PLEKHG1: variants seen among roughly 807,000 people sequenced by gnomAD.
PLEKHG1 encodes the protein pleckstrin homology domain-containing family G member 1.
A neutral mutation model predicts 100.8 loss-of-function variants in PLEKHG1; 44 were observed. The ratio of observed to expected loss-of-function variants is 0.44; its 90% CI spans 0.34 to 0.56. The LOEUF is 0.56. PLEKHG1 is among the 20% of genes least tolerant of loss of function. The probability of loss-of-function intolerance (pLI) is 0.01; values close to 1 mark genes in which losing one functional copy is unlikely to be tolerated. For missense variants in PLEKHG1, 1,545 were observed against 1,720.9 expected, an observed-to-expected ratio of 0.90 and a Z score of 1.81; for synonymous variants, 640 against 662.5, an observed-to-expected ratio of 0.97 and a Z score of 0.52.
chr6:150,605,376 C>A (rs1033846470), intron 1 of PLEKHG1: 4 of 152,222 alleles, frequency 2.6e-5, no homozygotes, highest in African/African-American at 7.2e-5. Context: ...TCCCACTTAC[C>A]TGCTGCAAGT....
intron 10 of PLEKHG1, among the ~76,000 whole-genome samples, chr6:150,814,741 C>A (rs1345593242): frequency 6.6e-6 from 1 of 152,200 alleles, no homozygotes; most frequent in Admixed American, 6.5e-5. Flanking sequence ...CAGCGTCTCA[C>A]TCTGTCACCC....
At chr6:150,651,232 T>C (rs987314565) in intron 3 of PLEKHG1, 3 of 152,252 alleles carry the variant, frequency 2.0e-5, no homozygotes, top group South Asian at 4.1e-4. Flanking sequence ...GAGGAGCTAC[T>C]GTAGTCAGTT....
chr6:150,706,001 C>T (rs1019274883), intron 3 of PLEKHG1, among the ~76,000 whole-genome samples: 5 of 152,012 alleles, frequency 3.3e-5, no homozygotes, highest in African/African-American at 9.7e-5. Context: ...TTTCCTTGCC[C>T]GTAAATCCAG....
intron 2 of PLEKHG1, among the ~76,000 whole-genome samples, chr6:150,649,678 A>G (rs1457146928): frequency 1.3e-5 from 2 of 151,528 alleles, no homozygotes; most frequent in African/African-American, 4.9e-5. Flanking sequence ...GGAGTTCGAG[A>G]CCAGCCTGGC....
intron 2 of PLEKHG1, among the ~76,000 whole-genome samples, chr6:150,749,360 C>A (rs1403812277): frequency 6.6e-6 from 1 of 152,180 alleles, no homozygotes; most frequent in Non-Finnish European, 1.5e-5. Flanking sequence ...ACTTCATCTA[C>A]GACCAGCTGC....
intron 7 of PLEKHG1, 122 bp from the exon 9 acceptor site, chr6:150,808,983 A>T: frequency 1.4e-6 from 1 of 701,984 alleles, no homozygotes; most frequent in Non-Finnish European, 2.4e-6. Context: ...GATACCACGT[A>T]GATAGTTAGA....
At chr6:150,838,511 A>G (rs968623905) in intron 15 of PLEKHG1, among the ~76,000 whole-genome samples, 1 of 152,184 alleles carries the variant, frequency 6.6e-6, no homozygotes, top group Non-Finnish European at 1.5e-5. Flanking sequence ...AAGCCAAAAG[A>G]TTGGACACCC....
At chr6:150,766,918 C>A (rs1784480484) in intron 2 of PLEKHG1, among the ~76,000 whole-genome samples, 1 of 152,150 alleles carries the variant, frequency 6.6e-6, no homozygotes, top group Non-Finnish European at 1.5e-5. Flanking sequence ...ACCCTCCACC[C>A]CTGCCCCGCC....
At chr6:150,755,899 T>A (rs1783810661) in intron 2 of PLEKHG1, among the ~76,000 whole-genome samples, 1 of 152,186 alleles carries the variant, frequency 6.6e-6, no homozygotes, top group Admixed American at 6.5e-5. Context: ...ATTTTTAATT[T>A]AAAAAAATTT....
intron 12 of PLEKHG1, 114 bp downstream of exon 13, chr6:150,819,888 T>C (rs1776201049): frequency 1.4e-6 from 1 of 707,370 alleles, no homozygotes; most frequent in African/African-American, 1.8e-5. Context: ...ACTGCCGGTC[T>C]GAATACATTT....
At chr6:150,634,796 G>A (rs148166163) in intron 1 of PLEKHG1, among the ~76,000 whole-genome samples, 1 of 152,144 alleles carries the variant, frequency 6.6e-6, no homozygotes, top group Admixed American at 6.5e-5. Context: ...TTGGAGATAC[G>A]TCATCATTTT....
intron 3 of PLEKHG1, among the ~76,000 whole-genome samples, chr6:150,666,958 C>T (rs1329909557): frequency 6.6e-6 from 1 of 152,108 alleles, no homozygotes; most frequent in Non-Finnish European, 1.5e-5. Flanking sequence ...TGGAGTTTCA[C>T]CGCGTTAGCC....
chr6:150,801,045 G>A (rs1422315220), intron 6 of PLEKHG1, among the ~76,000 whole-genome samples, 176 bp downstream of exon 7: 1 of 152,196 alleles, frequency 6.6e-6, no homozygotes, highest in South Asian at 2.1e-4. Context: ...TTCTAGGCCC[G>A]TAGCCCCATT....
chr6:150,780,398 G>A (rs550999022), intron 3 of PLEKHG1, among the ~76,000 whole-genome samples: 1 of 152,190 alleles, frequency 6.6e-6, no homozygotes, highest in East Asian at 1.9e-4. Context: ...ACAGGCGTGA[G>A]CCACTGCACC....
At chr6:150,811,119 A>G (rs1583177905) in intron 10 of PLEKHG1, among the ~76,000 whole-genome samples, 3 of 152,180 alleles carry the variant, frequency 2.0e-5, no homozygotes, top group Admixed American at 6.5e-5. Flanking sequence ...GAATCTGTAG[A>G]TGGGGAGCCA....
Position 150,683,715 on chromosome 6 carries a change from C to G in PLEKHG1, c.-99+32929C>G. The G allele has an allele frequency of 2.8e-6, 3 of 1,079,034 alleles. No individual in the cohort carries two copies. Among genetic ancestry groups the G allele is most frequent in the East Asian group, 1.2e-4 (2 of 16,740 alleles). The allele number at this position is 1,079,034 out of a possible 1,614,324, so 66.8% of individuals were successfully genotyped here. ...TCAACTTGAACCCTGAGTTGACACA[C>G]GGACCCCTCTGCGCTAGTATCCAGG... On this transcript the variant is annotated intron_variant, in intron 3 of 3. Coordinates refer to the PLEKHG1 transcript ENST00000367326. This position sits in a 1 kb window ranked among gnomAD's most constrained non-coding sequence, Gnocchi z 4.0.
At chr6:150,795,206 T>C (rs1238146350) in intron 4 of PLEKHG1, among the ~76,000 whole-genome samples, 1 of 151,478 alleles carries the variant, frequency 6.6e-6, no homozygotes, top group African/African-American at 2.4e-5. Flanking sequence ...CTGGCCAACA[T>C]AGCAAAACCC....
intron 1 of PLEKHG1, among the ~76,000 whole-genome samples, chr6:150,608,483 A>G (rs1472026166): frequency 6.6e-6 from 1 of 152,264 alleles, no homozygotes; most frequent in Non-Finnish European, 1.5e-5. Flanking sequence ...ACATTTCTGT[A>G]CTGGCTAAAG....
intron 3 of PLEKHG1, chr6:150,663,294 G>T (rs939920151): frequency 6.6e-6 from 1 of 152,130 alleles, no homozygotes; most frequent in Admixed American, 6.5e-5. Context: ...AGCCTTAAAG[G>T]CAAGTTATTT....
Sources: allele counts gnomAD v4.1 joint callset (sites outside exome capture counted in the v4.1 genomes callset), GRCh38; gene constraint gnomAD v4.1.1; non-coding constraint Gnocchi (gnomAD v3.1); transcripts MANE v1.5; gene names NCBI Gene and HGNC (gene_info 2026-07-23, HGNC 2026-07-21).